BECN1: variants seen among roughly 807,000 people sequenced by gnomAD.
BECN1 encodes the protein beclin 1.
BECN1 carries 15 observed loss-of-function variants against 60.1 expected under a neutral mutation model. The ratio of observed to expected loss-of-function variants is 0.25; its 90% CI spans 0.17 to 0.38. The LOEUF (loss-of-function observed/expected upper bound fraction) is 0.38. BECN1 is among the 10% of genes least tolerant of loss of function. The pLI, the probability that BECN1 is intolerant of heterozygous loss-of-function variation, is 1.00. For missense variants in BECN1, 424 were observed against 548.2 expected, an observed-to-expected ratio of 0.77 and a Z score of 2.26; for synonymous variants, 179 against 201.8, an observed-to-expected ratio of 0.89 and a Z score of 0.96.
At chr17:42,821,022 A>G (rs527370307) in intron 2 of BECN1, among the ~76,000 whole-genome samples, 181 bp from the exon 3 acceptor site, 1 of 152,266 alleles carries the variant, frequency 6.6e-6, no homozygotes, top group Admixed American at 6.5e-5. Flanking sequence ...AGATTAAAGA[A>G]ATGTTCAATT....
chr17:42,818,686 A>AGTGTG lies in BECN1; in HGVS notation c.352-11_352-7dup. The AGTGTG allele has an allele frequency of 6.2e-7, 1 of 1,614,138 alleles. No homozygotes were observed. The highest frequency in any genetic ancestry group is 8.5e-7 in the Non-Finnish European group (1 of 1,179,994). Reference sequence around the variant, plus strand: ...TCAAAAAGGTCCCCAGTGACCTGGAAGTGTGGGAGAGTCAGGGTAGGGCCT... The same window carrying AGTGTG: ...TCAAAAAGGTCCCCAGTGACCTGGAAGTGTGGTGTGGGAGAGTCAGGGTAGGGCCT... On this transcript the variant is annotated splice_polypyrimidine_tract_variant and splice_region_variant and intron_variant, in intron 5 of 11. Coordinates refer to ENST00000590099, the MANE Select transcript of BECN1 (RefSeq NM_001313998.2).
intron 4 of BECN1, chr17:42,819,321 A>G (rs907772993): frequency 5.8e-6 from 3 of 515,938 alleles, no homozygotes; most frequent in African/African-American, 3.9e-5. Flanking sequence ...TTTTTTCAAT[A>G]CTTCATCATT....
chr17:42,819,444 G>T, intron 4 of BECN1, 104 bp downstream of exon 4: 1 of 1,267,608 alleles, frequency 7.9e-7, no homozygotes, highest in Non-Finnish European at 1.1e-6. Flanking sequence ...AAAAGGCTAG[G>T]TGATGATGCA....
intron 10 of BECN1, chr17:42,812,647 G>T (rs982109717): frequency 6.6e-6 from 1 of 150,886 alleles, no homozygotes; most frequent in African/African-American, 2.4e-5. Flanking sequence ...CGTGAACCTG[G>T]GAGGCAGAGC....
intron 3 of BECN1, 131 bp downstream of exon 3, chr17:42,820,643 C>G (rs1336515881): frequency 2.3e-6 from 2 of 855,924 alleles, no homozygotes; most frequent in Non-Finnish European, 3.6e-6. Context: ...CCAGAGATCC[C>G]AAAAGTCCGG....
Position 42,810,607 on chromosome 17 carries a change from G to T in BECN1, c.*153C>A. On this transcript the variant is annotated 3_prime_UTR_variant, in exon 12 of 12. Transcript: ENST00000590099. ...TAGCTCTGGAAAGTATCTGTCACAT[G>T]ATATTTTAAAATAAAGTGGCTTTTG... 1.3e-6 allele frequency: 1 copy of T among 771,206 alleles called. No individual in the cohort carries two copies. Among genetic ancestry groups the T allele is most frequent in the Non-Finnish European group, 1.9e-6 (1 of 522,972 alleles). The allele number at this position is 771,206 out of a possible 1,614,324, so 47.8% of individuals were successfully genotyped here.
At chr17:42,821,225 A>G (rs2055257784) in intron 2 of BECN1, among the ~76,000 whole-genome samples, 1 of 151,960 alleles carries the variant, frequency 6.6e-6, no homozygotes. Context: ...ATGCCCAGCT[A>G]ATTTTTTTGT....
At position 42,810,758 on chromosome 17, in the gene BECN1, AG is replaced by A. The variant is rs2054980368; in HGVS notation, c.*1del. On this transcript the variant is annotated 3_prime_UTR_variant, in exon 12 of 12. Transcript: ENST00000590099. ...AGGCAAACCTCCCCCTAAGGAAAAA[AG>A]TCATTTGTTATAAAATTGTGAGGAC... 1 of 1,597,708 alleles carries A rather than the reference AG, an allele frequency of 6.3e-7. No homozygotes were observed. Among genetic ancestry groups the A allele is most frequent in the Non-Finnish European group, 8.5e-7 (1 of 1,173,308 alleles).
chr17:42,814,839 T>C (rs1482332151), intron 8 of BECN1, 166 bp from the exon 9 acceptor site: 2 of 851,454 alleles, frequency 2.3e-6, no homozygotes, highest in Middle Eastern at 3.6e-4. Flanking sequence ...ATCATCTTTT[T>C]CCCTGCTGCT....
chr17:42,820,977 A>G, intron 2 of BECN1, 136 bp from the exon 3 acceptor site: 1 of 721,390 alleles, frequency 1.4e-6, no homozygotes, highest in Non-Finnish European at 2.4e-6. Flanking sequence ...ATTTACACCA[A>G]AAGAATCTGT....
chr17:42,811,219 C>A, intron 11 of BECN1: 1 of 331,402 alleles, frequency 3.0e-6, no homozygotes. Context: ...CTAGGCATCC[C>A]TGAACTTGGC....
In BECN1 at chr17:42,818,695, G is replaced by C. The variant is rs2055196950; in HGVS notation, c.352-15C>G. The C allele has an allele frequency of 1.2e-6, 2 of 1,614,032 alleles. No homozygotes were observed. Among genetic ancestry groups the C allele is most frequent in the Admixed American group, 1.7e-5 (1 of 59,998 alleles). On this transcript the variant is annotated splice_polypyrimidine_tract_variant and intron_variant, in intron 5 of 11. Coordinates refer to ENST00000590099, the MANE Select transcript of BECN1 (RefSeq NM_001313998.2). ...TCCCCAGTGACCTGGAAGTGTGGGA[G>C]AGTCAGGGTAGGGCCTCCCCCATGC...
chr17:42,823,870 C>T lies in BECN1; in HGVS notation c.8G>A (p.Gly3Glu). 2 of 1,613,586 alleles carry T rather than the reference C, an allele frequency of 1.2e-6. No individual in the cohort carries two copies. Among genetic ancestry groups the T allele is most frequent in the South Asian group, 1.1e-5 (1 of 91,038 alleles). The change falls in exon 2 of 12, where the codon GGG (glycine) becomes GAG (glutamate). Residue 3 changes from glycine (G) to glutamate (E), a missense_variant. Coordinates refer to ENST00000590099, the MANE Select transcript of BECN1 (RefSeq NM_001313998.2). ...GGTGCTGTTGTTGGACGTCTTAGAC[C>T]CTTCCATCCCTGAGGCCGTGGAAAA... ME[G>E]SKTSNNSTMQ...
chr17:42,815,675 T>G, intron 8 of BECN1: 1 of 555,908 alleles, frequency 1.8e-6, no homozygotes. Context: ...GCTTACCAGG[T>G]TTTTAAGTGG....
chr17:42,820,594 T>G (rs976171202), intron 3 of BECN1, 180 bp downstream of exon 3: 1 of 570,794 alleles, frequency 1.8e-6, no homozygotes, highest in African/African-American at 1.9e-5. Flanking sequence ...GTACCTCCAA[T>G]GGTGCATAGC....
intron 2 of BECN1, 69 bp downstream of exon 2, chr17:42,823,679 A>T (rs1265849802): frequency 6.4e-7 from 1 of 1,566,400 alleles, no homozygotes; most frequent in Non-Finnish European, 8.7e-7. Context: ...AGCCACCATA[A>T]GAATTATATC....
At chr17:42,812,058 A>C (rs2055023723) in intron 10 of BECN1, 1 of 426,174 alleles carries the variant, frequency 2.3e-6, no homozygotes, top group African/African-American at 2.0e-5. Flanking sequence ...ATTGCTACAA[A>C]ACCTTTCCAG....
In BECN1 at chr17:42,824,263, C is replaced by T; in HGVS notation, c.-111G>A. 2.5e-6 allele frequency: 1 copy of T among 400,066 alleles called. No homozygotes were observed. The highest frequency in any genetic ancestry group is 4.4e-6 in the Non-Finnish European group (1 of 226,308). The allele number at this position is 400,066 out of a possible 1,614,324, so 24.8% of individuals were successfully genotyped here. On this transcript the variant is annotated 5_prime_UTR_variant, in exon 1 of 12. Transcript: ENST00000590099. ...AGAACTACCATCGCTCTGTCTTCAGCGACTTCCCGGTAGCCGCCGGAAAAC... is the reference window on the plus strand; with the variant it reads ...AGAACTACCATCGCTCTGTCTTCAGTGACTTCCCGGTAGCCGCCGGAAAAC...
intron 11 of BECN1, 129 bp downstream of exon 11, chr17:42,811,526 T>A: frequency 8.3e-7 from 1 of 1,209,696 alleles, no homozygotes; most frequent in Non-Finnish European, 1.2e-6. Context: ...TGCCCATCAA[T>A]GTCATGTGAT....
Sources: allele counts gnomAD v4.1 joint callset (sites outside exome capture counted in the v4.1 genomes callset), GRCh38; gene constraint gnomAD v4.1.1; transcripts MANE v1.5; gene names NCBI Gene and HGNC (gene_info 2026-07-23, HGNC 2026-07-21).